Variants in TBC1D22A observed in about 807,000 individuals in gnomAD.
The protein encoded by TBC1D22A is TBC1 domain family member 22A, also known as putative GTPase activator.
TBC1D22A carries 38 observed loss-of-function variants against 60.2 expected under a neutral mutation model. The ratio of observed to expected loss-of-function variants is 0.63; its 90% CI spans 0.49 to 0.83. The LOEUF (loss-of-function observed/expected upper bound fraction) is 0.83, where lower values mean the gene tolerates loss of function less well. Ranked by LOEUF, TBC1D22A falls within the 40% of genes least tolerant of loss-of-function variation. The pLI is 0.00. For missense variants in TBC1D22A, 628 were observed against 701.0 expected, an observed-to-expected ratio of 0.90 and a Z score of 1.18; for synonymous variants, 302 against 281.7, an observed-to-expected ratio of 1.07 and a Z score of -0.72.
chr22:47,083,717 T>C (rs1392029854), intron 11 of TBC1D22A, among the ~76,000 whole-genome samples: 3 of 151,844 alleles, frequency 2.0e-5, no homozygotes, highest in Non-Finnish European at 2.9e-5. Context: ...CTTAGGGAGG[T>C]AGGGTAGTAA....
chr22:47,150,212 C>T (rs989794800), intron 12 of TBC1D22A, among the ~76,000 whole-genome samples: 1 of 152,132 alleles, frequency 6.6e-6, no homozygotes, highest in African/African-American at 2.4e-5. Flanking sequence ...AGCCACAGTC[C>T]GGAGCACCGC....
At chr22:46,780,391 CCT>C (rs1042662258) in intron 1 of TBC1D22A, among the ~76,000 whole-genome samples, 17 of 152,260 alleles carry the variant, frequency 1.1e-4, no homozygotes, top group African/African-American at 4.1e-4. Context: ...TTCACTCTTC[CCT>C]GTTTCCCTCA....
At chr22:46,918,225 G>A (rs1482008966) in intron 8 of TBC1D22A, among the ~76,000 whole-genome samples, 1 of 152,214 alleles carries the variant, frequency 6.6e-6, no homozygotes, top group African/African-American at 2.4e-5. Flanking sequence ...GCTTAAAATG[G>A]TGGCCGCATC....
chr22:46,955,559 G>A (rs905530605), intron 8 of TBC1D22A, among the ~76,000 whole-genome samples: 1 of 152,138 alleles, frequency 6.6e-6, no homozygotes, highest in African/African-American at 2.4e-5. Flanking sequence ...TTATGTTCGG[G>A]AAGATTAATA....
intron 9 of TBC1D22A, among the ~76,000 whole-genome samples, chr22:46,978,602 C>T (rs535584410): frequency 2.0e-5 from 3 of 151,968 alleles, no homozygotes; most frequent in East Asian, 1.9e-4. Flanking sequence ...GAAAAGGAAG[C>T]GTGTTTTTTG....
At chr22:46,769,955 G>A (rs916946693) in intron 1 of TBC1D22A, among the ~76,000 whole-genome samples, 1 of 152,100 alleles carries the variant, frequency 6.6e-6, no homozygotes, top group African/African-American at 2.4e-5. Context: ...CTGAGGGGAT[G>A]GGAGTGTGGT....
intron 12 of TBC1D22A, among the ~76,000 whole-genome samples, chr22:47,126,376 T>C (rs927446023): frequency 2.6e-5 from 4 of 152,218 alleles, no homozygotes; most frequent in Admixed American, 1.3e-4. Flanking sequence ...CTGAGCCCTT[T>C]CCTGTAAACA....
At chr22:47,111,740 G>T in intron 12 of TBC1D22A, 137 bp downstream of exon 12, 1 of 756,070 alleles carries the variant, frequency 1.3e-6, no homozygotes, top group South Asian at 1.8e-5. Flanking sequence ...ACCTCCTGCT[G>T]GTTGAAAGCT....
chr22:46,830,369 G>C (rs887334589), intron 4 of TBC1D22A, among the ~76,000 whole-genome samples: 8 of 152,222 alleles, frequency 5.3e-5, no homozygotes, highest in Non-Finnish European at 1.2e-4. Context: ...TGACAGATCA[G>C]TGATTGCAGT....
intron 11 of TBC1D22A, among the ~76,000 whole-genome samples, chr22:47,051,688 T>C (rs1233791636): frequency 6.6e-6 from 1 of 152,148 alleles, no homozygotes; most frequent in African/African-American, 2.4e-5. Flanking sequence ...CCCTGGCCGC[T>C]TGCCTGGGGT....
At chr22:46,851,581 G>C (rs904735624) in intron 4 of TBC1D22A, among the ~76,000 whole-genome samples, 2 of 152,262 alleles carry the variant, frequency 1.3e-5, no homozygotes, top group Non-Finnish European at 2.9e-5. Context: ...GGTCCTGGCT[G>C]TTCTGCCCGG....
At chr22:46,768,561 C>T (rs1361801840) in intron 1 of TBC1D22A, among the ~76,000 whole-genome samples, 2 of 151,888 alleles carry the variant, frequency 1.3e-5, no homozygotes, top group African/African-American at 2.4e-5. Flanking sequence ...TTTCCCGGGC[C>T]GCTGACTCTC....
chr22:47,105,704 G>A (rs939846380), intron 11 of TBC1D22A, among the ~76,000 whole-genome samples: 3 of 152,184 alleles, frequency 2.0e-5, no homozygotes, highest in African/African-American at 4.8e-5. Flanking sequence ...GTTTAATGTA[G>A]TCTGGGATAA....
intron 8 of TBC1D22A, among the ~76,000 whole-genome samples, chr22:46,931,441 C>T (rs1490107611): frequency 6.6e-6 from 1 of 152,152 alleles, no homozygotes; most frequent in South Asian, 2.1e-4. Context: ...AGGAAATAAA[C>T]CAACAAATAC....
chr22:46,908,372 T>C (rs1037893275), intron 7 of TBC1D22A, among the ~76,000 whole-genome samples: 2 of 152,164 alleles, frequency 1.3e-5, no homozygotes, highest in African/African-American at 4.8e-5. Context: ...CCTGTGCCTT[T>C]AGCGGCAGAG....
chr22:46,884,946 G>A (rs1027222899), intron 5 of TBC1D22A, among the ~76,000 whole-genome samples: 2 of 152,194 alleles, frequency 1.3e-5, no homozygotes, highest in Admixed American at 1.3e-4. Context: ...CGCAGGAGCC[G>A]TCAGCCTAGG....
At chr22:46,862,600 G>T (rs891277889) in intron 4 of TBC1D22A, among the ~76,000 whole-genome samples, 5 of 152,210 alleles carry the variant, frequency 3.3e-5, no homozygotes, top group Admixed American at 1.3e-4. Flanking sequence ...CGAGAGCGGG[G>T]CTGCGGGAAT....
At chr22:47,143,534 G>A (rs2067181548) in intron 12 of TBC1D22A, among the ~76,000 whole-genome samples, 1 of 152,254 alleles carries the variant, frequency 6.6e-6, no homozygotes, top group Non-Finnish European at 1.5e-5. Flanking sequence ...GGGGAATGGT[G>A]CTCCACCTGG....
chr22:46,911,966 A>T, intron 7 of TBC1D22A, 108 bp from the exon 8 acceptor site: 1 of 702,710 alleles, frequency 1.4e-6, no homozygotes, highest in Non-Finnish European at 2.5e-6. Context: ...TCTTAATATT[A>T]GGAGCAATGA....
Sources: allele counts gnomAD v4.1 joint callset (sites outside exome capture counted in the v4.1 genomes callset), GRCh38; gene constraint gnomAD v4.1.1; transcripts MANE v1.5; gene names NCBI Gene and HGNC (gene_info 2026-07-23, HGNC 2026-07-21).